The following SLC24A2 variants were observed in gnomAD, a reference collection of about 807,000 sequenced individuals.
SLC24A2 encodes solute carrier family 24 member 2.
Under a neutral mutation model 62.0 loss-of-function variants are expected in SLC24A2, and 36 were observed. That is an observed-to-expected ratio of 0.58 (90% CI 0.44 to 0.77). The LOEUF is 0.77. Among genes scored for constraint, SLC24A2 ranks in the 30% least tolerant of loss-of-function variants. SLC24A2 has a pLI of 0.00. For missense variants in SLC24A2, 846 were observed against 817.9 expected, an observed-to-expected ratio of 1.03 and a Z score of -0.42; for synonymous variants, 358 against 294.0, an observed-to-expected ratio of 1.22 and a Z score of -2.23.
Position 19,619,585 on chromosome 9 carries a change from T to A in SLC24A2, c.1077A>T (p.Glu359Asp). The A allele has an allele frequency of 1.2e-6, 2 of 1,611,024 alleles. No homozygotes were observed. Among genetic ancestry groups the A allele is most frequent in the Middle Eastern group, 3.3e-4 (2 of 6,054 alleles). ...CCCAAACCAAAGCTTGATGTTTACC[T>A]TCGGCGAGTGGGTCAAGGGTGTGTA... Reference protein sequence around the residue: ...LMIHTLDPLAEELGSYGKLKY... With the variant: ...LMIHTLDPLADELGSYGKLKY... The change falls in exon 4 of 11, where the codon GAA (glutamate) becomes GAT (aspartate). Residue 359 changes from glutamate to aspartate, a missense_variant and splice_region_variant. Glu to Asp is a conservative substitution (Grantham distance 45). Coordinates refer to ENST00000341998, the MANE Select transcript of SLC24A2 (RefSeq NM_020344.4).
chr9:20,301,527 G>T, the SLC24A2 span, among the ~76,000 whole-genome samples: 2 of 151,304 alleles, frequency 1.3e-5, no homozygotes, highest in Non-Finnish European at 2.9e-5. Flanking sequence ...AAGACATTGG[G>T]GGAAATGCTC....
chr9:20,279,678 C>A, the SLC24A2 span, among the ~76,000 whole-genome samples: 1 of 152,142 alleles, frequency 6.6e-6, no homozygotes, highest in South Asian at 2.1e-4. Context: ...AATTAAATGC[C>A]AAGGGATCAT....
intron 2 of SLC24A2, among the ~76,000 whole-genome samples, chr9:19,679,726 T>C (rs1299109921): frequency 1.3e-5 from 2 of 152,172 alleles, no homozygotes; most frequent in Non-Finnish European, 2.9e-5. Context: ...AGATCTGGAA[T>C]GAATCACACC....
At chr9:19,908,470 C>A in the SLC24A2 span, among the ~76,000 whole-genome samples, 1 of 151,926 alleles carries the variant, frequency 6.6e-6, no homozygotes, top group Admixed American at 6.6e-5. Context: ...GCAACAAAAG[C>A]CAAAATTGAC....
intron 2 of SLC24A2, among the ~76,000 whole-genome samples, chr9:19,725,886 G>C (rs981933469): frequency 3.9e-5 from 6 of 152,086 alleles, no homozygotes; most frequent in Admixed American, 3.3e-4. Context: ...TTCCCCTCTG[G>C]GGTACAGTTA....
the SLC24A2 span, among the ~76,000 whole-genome samples, chr9:20,117,666 G>A: frequency 6.6e-6 from 1 of 152,150 alleles, no homozygotes; most frequent in Non-Finnish European, 1.5e-5. Context: ...CAACTAGCTT[G>A]TACAAGGTCA....
At chr9:19,665,700 A>C (rs947623335) in intron 2 of SLC24A2, among the ~76,000 whole-genome samples, 1 of 152,090 alleles carries the variant, frequency 6.6e-6, no homozygotes, top group African/African-American at 2.4e-5. Flanking sequence ...ATCATGGCTC[A>C]CTGCAGCCTG....
chr9:19,679,866 G>GTGTA (rs1554697534), intron 2 of SLC24A2, among the ~76,000 whole-genome samples: 3 of 148,392 alleles, frequency 2.0e-5, no homozygotes, highest in Non-Finnish European at 4.4e-5. Flanking sequence ...GTGTGTGTGT[G>GTGTA]TGTGTGTGTG....
the SLC24A2 span, among the ~76,000 whole-genome samples, chr9:19,991,259 G>C: frequency 6.6e-6 from 1 of 152,102 alleles, no homozygotes; most frequent in Non-Finnish European, 1.5e-5. Context: ...ACTGGTGTAA[G>C]TCCAAGAGTC....
chr9:19,786,283 C>A lies in SLC24A2; in HGVS notation c.584G>T (p.Gly195Val). ...SAPELFTSLI[G>V]VFIAHSNVGI... ...AACGTTGCTGTGAGCGATAAATACCCCTATGAGAGATGTGAAAAGTTCTGG... is the reference window on the plus strand; with the variant it reads ...AACGTTGCTGTGAGCGATAAATACCACTATGAGAGATGTGAAAAGTTCTGG... Residue 195 changes from glycine (G) to valine (V), a missense_variant, in exon 2 of 11, where the codon GGG becomes GTG. By Grantham distance (109) the Gly-to-Val change is moderately radical. Transcript: ENST00000341998. The surrounding 1 kb of genome is among the most constrained non-coding windows in gnomAD (Gnocchi z 5.0). 6.2e-7 allele frequency: 1 copy of A among 1,614,128 alleles called. No homozygotes were observed. The highest frequency in any genetic ancestry group is 8.5e-7 in the Non-Finnish European group (1 of 1,180,022).
At chr9:19,807,947 C>T in the SLC24A2 span, among the ~76,000 whole-genome samples, 17 of 152,284 alleles carry the variant, frequency 1.1e-4, no homozygotes, top group South Asian at 3.3e-3. Flanking sequence ...TATAAGTCAT[C>T]CCTTCTAAAT....
At chr9:19,572,131 G>A (rs556787512) in intron 7 of SLC24A2, among the ~76,000 whole-genome samples, 2 of 151,634 alleles carry the variant, frequency 1.3e-5, no homozygotes, top group Non-Finnish European at 2.9e-5. Flanking sequence ...AAATTAGCCG[G>A]GTGTGGTGGT....
At chr9:19,572,462 C>T (rs927119677) in intron 7 of SLC24A2, among the ~76,000 whole-genome samples, 1 of 151,984 alleles carries the variant, frequency 6.6e-6, no homozygotes, top group East Asian at 1.9e-4. Context: ...TTGCTATTCT[C>T]GTGATACTGA....
chr9:20,057,040 TAATTTTTTA>T, the SLC24A2 span, among the ~76,000 whole-genome samples: 1 of 152,134 alleles, frequency 6.6e-6, no homozygotes, highest in Non-Finnish European at 1.5e-5. Context: ...AGTACAGACA[TAATTTTTTA>T]AATCCCAAGT....
chr9:20,228,594 C>A, the SLC24A2 span, among the ~76,000 whole-genome samples: 1 of 152,042 alleles, frequency 6.6e-6, no homozygotes, highest in Non-Finnish European at 1.5e-5. Context: ...TGAGTTTCTT[C>A]AGAAGTTCTC....
chr9:20,185,336 T>C, the SLC24A2 span, among the ~76,000 whole-genome samples: 2 of 152,046 alleles, frequency 1.3e-5, no homozygotes, highest in East Asian at 1.9e-4. Context: ...AATAAATATA[T>C]ACAATATTAT....
chr9:19,969,895 A>G, the SLC24A2 span, among the ~76,000 whole-genome samples: 1 of 152,188 alleles, frequency 6.6e-6, no homozygotes, highest in African/African-American at 2.4e-5. Context: ...GAGCTATACT[A>G]GGGATTGCAA....
In SLC24A2 at chr9:19,789,008, C is replaced by G. The variant is rs1587330674; in HGVS notation, c.-277G>C. 4 of 945,420 alleles carry G rather than the reference C, an allele frequency of 4.2e-6. No individual in the cohort carries two copies. The highest frequency in any genetic ancestry group is 5.0e-6 in the Non-Finnish European group (4 of 793,480). The allele number at this position is 945,420 out of a possible 1,614,324, so 58.6% of individuals were successfully genotyped here. On this transcript the variant is annotated 5_prime_UTR_variant, in exon 1 of 11. Transcript: ENST00000341998. ...TCTGGCTCGCACTGGCTGCCGCTCT[C>G]GCCAGCCGGGCTGGGTTCGGGAGGA...
intron 2 of SLC24A2, among the ~76,000 whole-genome samples, chr9:19,711,243 T>A (rs1284921137): frequency 6.6e-6 from 1 of 152,234 alleles, no homozygotes; most frequent in Non-Finnish European, 1.5e-5. Flanking sequence ...AGAGGCTACA[T>A]GATGTGTGAT....
Sources: gnomAD v4.1 joint callset for allele counts (sites outside exome capture counted in the v4.1 genomes callset) on GRCh38, gnomAD v4.1.1 for gene constraint, Gnocchi (gnomAD v3.1) non-coding constraint, MANE v1.5 for transcripts, NCBI Gene and HGNC (gene_info 2026-07-23, HGNC 2026-07-21) for gene names.